The following GALNT3 variants were observed in gnomAD, a reference collection of about 807,000 sequenced individuals.
The protein encoded by GALNT3 is polypeptide N-acetylgalactosaminyltransferase 3.
A neutral mutation model predicts 69.8 loss-of-function variants in GALNT3; 51 were observed. The ratio of observed to expected loss-of-function variants is 0.73; its 90% CI spans 0.58 to 0.92. GALNT3 has a LOEUF of 0.92. GALNT3 is among the 40% of genes least tolerant of loss of function. The probability of loss-of-function intolerance (pLI) is 0.00; values close to 1 mark genes in which losing one functional copy is unlikely to be tolerated. For synonymous variants in GALNT3, 265 were observed against 248.5 expected (o/e 1.07, Z -0.63); for missense variants, 711 against 760.0 (o/e 0.94, Z 0.76).
intron 1 of GALNT3, among the ~76,000 whole-genome samples, chr2:165,785,400 G>A (rs894114277): frequency 2.6e-5 from 4 of 152,044 alleles, no homozygotes; most frequent in African/African-American, 4.8e-5. Flanking sequence ...AAATAGCATC[G>A]GTTACCTCTG....
chr2:165,754,672 G>T lies in GALNT3; in HGVS notation c.1581C>A (p.Gly527=). ...GACATGTATACATAATTAATGGTTT[G>T]CCTCCTTGATTGTTTTCTCCAACAT... The part of the protein sequence containing the change: ...CLDVGENNQG[G]KPLIMYTCHG... The change falls in exon 9 of 11, where the codon GGC becomes GGA. Residue 527 remains glycine, a synonymous_variant. Coordinates refer to ENST00000392701, the MANE Select transcript of GALNT3 (RefSeq NM_004482.4). 1 of 1,613,496 alleles carries T rather than the reference G, an allele frequency of 6.2e-7. No homozygotes were observed. The highest frequency in any genetic ancestry group is 8.5e-7 in the Non-Finnish European group (1 of 1,179,712).
chr2:165,751,145 C>A (rs78400741), intron 9 of GALNT3, among the ~76,000 whole-genome samples: 1,693 of 151,990 alleles, frequency 0.011, 31 homozygotes, highest in African/African-American at 0.039. Context: ...ATAATATTGA[C>A]ATTATAAAGA....
intron 9 of GALNT3, 53 bp from the exon 10 acceptor site, chr2:165,749,947 C>A: frequency 6.7e-7 from 1 of 1,490,116 alleles, no homozygotes; most frequent in African/African-American, 1.4e-5. Context: ...TGCTCAGTTG[C>A]AAAATAAATA....
intron 2 of GALNT3, 26 bp from the exon 3 acceptor site, chr2:165,765,082 AACAATT>A (rs780000637): frequency 1.8e-5 from 28 of 1,589,382 alleles, no homozygotes; most frequent in Middle Eastern, 3.3e-4. Flanking sequence ...GAAGTAGAAA[AACAATT>A]ACAAATTTTA....
chr2:165,772,323 G>A (rs866109972), intron 1 of GALNT3, among the ~76,000 whole-genome samples: 37 of 152,236 alleles, frequency 2.4e-4, no homozygotes, highest in Non-Finnish European at 2.5e-4. Context: ...AGTGGCTCAT[G>A]CCTATAATCC....
chr2:165,770,044 T>C, intron 2 of GALNT3, 142 bp downstream of exon 2: 1 of 950,492 alleles, frequency 1.1e-6, no homozygotes. Flanking sequence ...AAGCAAAAAA[T>C]AAATACAACA....
rs1688490716 is a variant in GALNT3, at chr2:165,758,730, A to T, written c.1191+17T>A. The T allele has an allele frequency of 7.2e-7, 1 of 1,382,546 alleles. No homozygotes were observed. The highest frequency in any genetic ancestry group is 1.4e-5 in the African/African-American group (1 of 70,288). The allele number at this position is 1,382,546 out of a possible 1,614,324, so 85.6% of individuals were successfully genotyped here. A position where few individuals can be genotyped will look rare whatever the true frequency, so the allele number is the denominator to read the frequency against. ...ATTGTTTAATATATCTGCTATATTTAATTTCCATAAACTTACTCTGAAAGA... is the reference window on the plus strand; with the variant it reads ...ATTGTTTAATATATCTGCTATATTTTATTTCCATAAACTTACTCTGAAAGA... On this transcript the variant is annotated intron_variant, in intron 6 of 10. Coordinates refer to ENST00000392701, the MANE Select transcript of GALNT3 (RefSeq NM_004482.4).
intron 2 of GALNT3, among the ~76,000 whole-genome samples, chr2:165,769,905 G>C (rs1403557173): frequency 1.3e-5 from 2 of 152,048 alleles, no homozygotes; most frequent in African/African-American, 4.8e-5. Flanking sequence ...ACAGTATTTA[G>C]GAATAAAGAA....
chr2:165,772,167 ATGT>A (rs1688764398), intron 1 of GALNT3, among the ~76,000 whole-genome samples: 1 of 152,184 alleles, frequency 6.6e-6, no homozygotes, highest in Non-Finnish European at 1.5e-5. Context: ...TATGTGTCAA[ATGT>A]TGTGGTAGGC....
chr2:165,758,653 G>A (rs1688488781), intron 6 of GALNT3, 94 bp downstream of exon 6: 1 of 829,278 alleles, frequency 1.2e-6, no homozygotes, highest in South Asian at 1.5e-5. Flanking sequence ...AAAAAGTAGA[G>A]TGCACACATC....
chr2:165,754,825 A>G, intron 8 of GALNT3, 97 bp from the exon 9 acceptor site: 1 of 1,398,896 alleles, frequency 7.1e-7, no homozygotes, highest in Non-Finnish European at 1.0e-6. Flanking sequence ...ATTATAATGT[A>G]AAATCTCAAA....
intron 1 of GALNT3, among the ~76,000 whole-genome samples, chr2:165,792,459 A>G (rs1239030642): frequency 1.3e-5 from 2 of 152,182 alleles, no homozygotes; most frequent in Non-Finnish European, 2.9e-5. Context: ...GTCAGGTGAG[A>G]TCCTTTTAAG....
At position 165,776,796 on chromosome 2, in the gene GALNT3, C is replaced by T. The variant is rs191099805; in HGVS notation, c.-108-5988G>A. Among the ~76,000 whole-genome samples, 718 of 152,278 alleles carry T rather than the reference C, an allele frequency of 4.7e-3. 5 individuals are homozygous for T. The highest frequency in any genetic ancestry group is 0.017 in the African/African-American group (698 of 41,580). On this transcript the variant is annotated intron_variant, in intron 1 of 10. Coordinates refer to ENST00000392701, the MANE Select transcript of GALNT3 (RefSeq NM_004482.4). The stretch of plus-strand genomic sequence containing the variant: ...GATTATTCTCAGGGGTAAAAATATG[C>T]TTCCATCTGAAATCTTACAAATTTA...
intron 1 of GALNT3, among the ~76,000 whole-genome samples, chr2:165,783,208 A>G (rs1683149685): frequency 6.6e-6 from 1 of 152,176 alleles, no homozygotes; most frequent in Admixed American, 6.5e-5. Context: ...GGATGCAGGG[A>G]ATCCCTTCAC....
intron 1 of GALNT3, among the ~76,000 whole-genome samples, chr2:165,780,873 A>C (rs1171556471): frequency 6.6e-6 from 1 of 152,162 alleles, no homozygotes; most frequent in Non-Finnish European, 1.5e-5. Context: ...GCTGTTGTAC[A>C]TCGCTAACCT....
chr2:165,769,439 A>ATAG (rs1688710372), intron 2 of GALNT3, among the ~76,000 whole-genome samples: 1 of 143,540 alleles, frequency 7.0e-6, no homozygotes, highest in Admixed American at 6.9e-5. Context: ...AATAATAATA[A>ATAG]TAAATAAATA....
chr2:165,780,124 G>A (rs1683071195), intron 1 of GALNT3, among the ~76,000 whole-genome samples: 1 of 152,144 alleles, frequency 6.6e-6, no homozygotes, highest in African/African-American at 2.4e-5. Context: ...CCATGTTGCT[G>A]AGCCCATGCA....
intron 1 of GALNT3, among the ~76,000 whole-genome samples, chr2:165,774,859 A>T (rs527486247): frequency 2.6e-5 from 4 of 151,804 alleles, no homozygotes; most frequent in Non-Finnish European, 4.4e-5. Context: ...CATTTAATAC[A>T]TAAGTTCTCA....
intron 1 of GALNT3, among the ~76,000 whole-genome samples, chr2:165,778,400 A>T (rs1339914410): frequency 6.6e-6 from 1 of 152,204 alleles, no homozygotes; most frequent in Non-Finnish European, 1.5e-5. Context: ...CTTTTGGATT[A>T]GTAAGGAGAT....
Sources: allele counts gnomAD v4.1 joint callset (sites outside exome capture counted in the v4.1 genomes callset), GRCh38; gene constraint gnomAD v4.1.1; transcripts MANE v1.5; gene names NCBI Gene and HGNC (gene_info 2026-07-23, HGNC 2026-07-21).